The following ATXN7L1 variants were observed in gnomAD, a reference collection of about 807,000 sequenced individuals.
ATXN7L1 encodes ataxin-7-like protein 1.
Under a neutral mutation model 70.8 loss-of-function variants are expected in ATXN7L1, and 15 were observed. The ratio of observed to expected loss-of-function variants is 0.21; its 90% CI spans 0.14 to 0.33. The LOEUF (loss-of-function observed/expected upper bound fraction) is 0.33, where lower values mean the gene tolerates loss of function less well. ATXN7L1 is among the 10% of genes least tolerant of loss of function. ATXN7L1 has a pLI of 1.00. For missense variants in ATXN7L1, 975 were observed against 1,097.1 expected (o/e 0.89, Z 1.57); for synonymous variants, 440 against 445.1 (o/e 0.99, Z 0.14).
At chr7:105,701,504 C>T (rs1023012134) in intron 3 of ATXN7L1, among the ~76,000 whole-genome samples, 1 of 152,042 alleles carries the variant, frequency 6.6e-6, no homozygotes, top group Non-Finnish European at 1.5e-5. Flanking sequence ...GCAGTTTTTG[C>T]AGTGCATTCC....
intron 9 of ATXN7L1, among the ~76,000 whole-genome samples, chr7:105,616,591 C>A (rs763880212): frequency 8.5e-5 from 13 of 152,138 alleles, no homozygotes; most frequent in African/African-American, 1.2e-4. Flanking sequence ...ATACTTGTTG[C>A]AATGAATGAA....
chr7:105,647,370 G>C (rs10227534), intron 4 of ATXN7L1, among the ~76,000 whole-genome samples: 8,424 of 152,296 alleles, frequency 0.055, 814 homozygotes, highest in African/African-American at 0.19. Flanking sequence ...AAAACCGGCT[G>C]GGTACGGTGA....
Position 105,789,499 on chromosome 7 carries a change from G to A in ATXN7L1, c.251-791C>T, listed in dbSNP as rs550249269. 1.5e-4 allele frequency among the ~76,000 whole-genome samples: 23 copies of A among 152,308 alleles called. No individual in the cohort carries two copies. The South Asian group carries it at 4.4e-3, about 29-fold the overall frequency. ...GGCCCTAACCTAGTGTGAGGCAGAGGAGAATGCTTCCCTGAGGAGGGGGCA... is the reference window on the plus strand; with the variant it reads ...GGCCCTAACCTAGTGTGAGGCAGAGAAGAATGCTTCCCTGAGGAGGGGGCA... On this transcript the variant is annotated intron_variant, in intron 2 of 11. Coordinates refer to ENST00000419735, the MANE Select transcript of ATXN7L1 (RefSeq NM_020725.2).
chr7:105,724,703 C>T (rs1346838718), intron 3 of ATXN7L1, among the ~76,000 whole-genome samples: 1 of 151,722 alleles, frequency 6.6e-6, no homozygotes, highest in African/African-American at 2.4e-5. Flanking sequence ...CTTCTGTTGT[C>T]ACCAGTGATC....
chr7:105,810,454 TA>T (rs368891082), intron 2 of ATXN7L1, among the ~76,000 whole-genome samples: 3 of 152,104 alleles, frequency 2.0e-5, no homozygotes, highest in Admixed American at 1.3e-4. Context: ...TAAAGTGTTA[TA>T]AAAAAACAAA....
intron 3 of ATXN7L1, among the ~76,000 whole-genome samples, chr7:105,735,502 A>G (rs1797278182): frequency 6.6e-6 from 1 of 152,202 alleles, no homozygotes; most frequent in South Asian, 2.1e-4. Context: ...GCAGCTGGCA[A>G]GAGAGACTGG....
At chr7:105,646,814 GAC>G (rs1424518490) in intron 4 of ATXN7L1, among the ~76,000 whole-genome samples, 1 of 151,742 alleles carries the variant, frequency 6.6e-6, no homozygotes, top group Non-Finnish European at 1.5e-5. Flanking sequence ...CACGTTGGTG[GAC>G]ACACACAGTA....
Position 105,778,510 on chromosome 7 carries a change from CAA to C in ATXN7L1, c.355+10092_355+10093del, listed in dbSNP as rs745820046. ...TGGGCAACAGAGGAAGACCCTATCT[CAA>C]AAAAAAAAAAAAAAAAAAAAAAACA... On this transcript the variant is annotated intron_variant, in intron 3 of 11. Coordinates refer to ENST00000419735, the MANE Select transcript of ATXN7L1 (RefSeq NM_020725.2). Among the ~76,000 whole-genome samples, 5 of 34,166 alleles carry C rather than the reference CAA, an allele frequency of 1.5e-4. No individual in the cohort carries two copies. In the South Asian group the frequency reaches 4.3e-3, roughly 29 times the overall value. The allele number at this position is 34,166 out of a possible 152,430, so 22.4% of individuals were successfully genotyped here.
chr7:105,776,421 C>T (rs1190251774), intron 3 of ATXN7L1, among the ~76,000 whole-genome samples: 1 of 152,070 alleles, frequency 6.6e-6, no homozygotes, highest in Non-Finnish European at 1.5e-5. Flanking sequence ...AGCCAATTTC[C>T]CTTCCTTGCT....
chr7:105,757,935 C>T (rs1206525410), intron 3 of ATXN7L1, among the ~76,000 whole-genome samples: 1 of 152,058 alleles, frequency 6.6e-6, no homozygotes, highest in East Asian at 1.9e-4. Context: ...CTGCCTGGGC[C>T]CTGGTACACA....
At chr7:105,759,949 G>C (rs1031639450) in intron 3 of ATXN7L1, among the ~76,000 whole-genome samples, 1 of 152,230 alleles carries the variant, frequency 6.6e-6, no homozygotes, top group Non-Finnish European at 1.5e-5. Context: ...AAAGGCTGAG[G>C]AGGAATCAGC....
At chr7:105,798,803 T>A (rs1806368761) in intron 2 of ATXN7L1, among the ~76,000 whole-genome samples, 2 of 152,322 alleles carry the variant, frequency 1.3e-5, no homozygotes, top group South Asian at 4.1e-4. Context: ...CTTCTTGAGA[T>A]TCACATGCTG....
chr7:105,783,240 G>A (rs1203353379), intron 3 of ATXN7L1, among the ~76,000 whole-genome samples: 1 of 152,226 alleles, frequency 6.6e-6, no homozygotes, highest in Non-Finnish European at 1.5e-5. Context: ...CACTGGTGCT[G>A]TGATATTGTG....
chr7:105,791,428 G>A (rs1363467251), intron 2 of ATXN7L1, among the ~76,000 whole-genome samples: 4 of 152,174 alleles, frequency 2.6e-5, no homozygotes, highest in Admixed American at 6.5e-5. Context: ...ACAAGAGCCC[G>A]AACCTGGGCC....
chr7:105,656,308 G>T lies in ATXN7L1; in HGVS notation c.578+8758C>A, dbSNP rs114320501. Among the ~76,000 whole-genome samples the T allele has an allele frequency of 4.9e-3, 750 of 152,344 alleles. 3 individuals are homozygous for T. The highest frequency in any genetic ancestry group is 0.017 in the African/African-American group (699 of 41,582). On this transcript the variant is annotated intron_variant, in intron 4 of 11. Coordinates refer to ENST00000419735, the MANE Select transcript of ATXN7L1 (RefSeq NM_020725.2). ...GCCATAACTCCTTCTTGATTCTTAT[G>T]TGGGGACCGAGTCTTCTTGCCCACC...
Position 105,777,825 on chromosome 7 carries a change from A to G in ATXN7L1, c.355+10779T>C, listed in dbSNP as rs546019837. Among the ~76,000 whole-genome samples the G allele has an allele frequency of 1.1e-3, 174 of 152,158 alleles. 1 individual carries two copies. Among genetic ancestry groups the G allele is most frequent in the Admixed American group, 2.5e-3 (38 of 15,276 alleles). On this transcript the variant is annotated intron_variant, in intron 3 of 11. Transcript: ENST00000419735. Reference sequence around the variant, plus strand: ...AGCACCACACGTAGAGTAAAACCCAACCTTCAGACTCTGTTCTACATGACT... The same window carrying G: ...AGCACCACACGTAGAGTAAAACCCAGCCTTCAGACTCTGTTCTACATGACT...
At chr7:105,780,171 T>TA (rs1176038911) in intron 3 of ATXN7L1, among the ~76,000 whole-genome samples, 1 of 152,084 alleles carries the variant, frequency 6.6e-6, no homozygotes, top group Non-Finnish European at 1.5e-5. Flanking sequence ...ATAGACAAAA[T>TA]AAAAAGAACA....
At chr7:105,727,558 A>T (rs2116318475) in intron 3 of ATXN7L1, among the ~76,000 whole-genome samples, 1 of 150,694 alleles carries the variant, frequency 6.6e-6, no homozygotes, top group East Asian at 2.0e-4. Context: ...AATACCAGCT[A>T]CTTGGGAGGC....
chr7:105,688,311 G>A (rs546692648), intron 3 of ATXN7L1, among the ~76,000 whole-genome samples: 1 of 152,306 alleles, frequency 6.6e-6, no homozygotes, highest in Admixed American at 6.5e-5. Context: ...GGAGGCTGAG[G>A]CGGGTGGATG....
Sources: gnomAD v4.1 joint callset for allele counts (sites outside exome capture counted in the v4.1 genomes callset) on GRCh38, gnomAD v4.1.1 for gene constraint, MANE v1.5 for transcripts, NCBI Gene and HGNC (gene_info 2026-07-23, HGNC 2026-07-21) for gene names.